MIER1: variants seen among roughly 807,000 people sequenced by gnomAD.
MIER1 encodes MIER1 transcriptional regulator.
A neutral mutation model predicts 75.7 loss-of-function variants in MIER1; 40 were observed. The ratio of observed to expected loss-of-function variants is 0.53; its 90% CI spans 0.41 to 0.69. The LOEUF (loss-of-function observed/expected upper bound fraction) is 0.69, where lower values mean the gene tolerates loss of function less well. Ranked by LOEUF, MIER1 falls within the 30% of genes least tolerant of loss-of-function variation. MIER1 has a pLI of 0.00. For synonymous variants in MIER1, 213 were observed against 223.4 expected (o/e 0.95, Z 0.42); for missense variants, 574 against 680.2 (o/e 0.84, Z 1.74).
intron 2 of MIER1, chr1:66,928,761 C>G (rs1652415795): frequency 1.8e-6 from 1 of 568,794 alleles, no homozygotes; most frequent in Non-Finnish European, 3.0e-6. Flanking sequence ...CTGAAAAACA[C>G]TTTTATATAA....
chr1:66,984,216 CTTAG>C lies in MIER1; in HGVS notation c.1370-351_1370-348del, dbSNP rs369111385. ...TTTACTGCATTTTCCATTAATTCAG[CTTAG>C]TTAGACTGCTGGATCCAGTGCTTGT... On this transcript the variant is annotated intron_variant, in intron 13 of 13. Transcript: ENST00000401041. Among the ~76,000 whole-genome samples, 272 of 152,312 alleles carry C rather than the reference CTTAG, an allele frequency of 1.8e-3. 1 individual carries two copies. The highest frequency in any genetic ancestry group is 6.3e-3 in the African/African-American group (260 of 41,558).
Position 66,926,199 on chromosome 1 carries a change from C to A in MIER1, c.125C>A (p.Thr42Asn). Reference protein sequence around the residue: ...CLAEFRTWLRTNWLRFNADKT... With the variant: ...CLAEFRTWLRNNWLRFNADKT... ...GCTGAGTTTCGGACGTGGTTAAGAA[C>A]CAACTGGTTGAGGTTCAATGCAGAC... Residue 42 changes from threonine to asparagine, a missense_variant, in exon 2 of 14, where the codon ACC becomes AAC. Transcript: ENST00000401041. The A allele has an allele frequency of 1.2e-6, 2 of 1,613,886 alleles. No individual in the cohort carries two copies. The highest frequency in any genetic ancestry group is 2.2e-5 in the South Asian group (2 of 91,082).
chr1:66,972,235 C>CAT (rs71058486), intron 10 of MIER1, among the ~76,000 whole-genome samples: 8,377 of 63,428 alleles, frequency 0.13, 331 homozygotes, highest in Non-Finnish European at 0.16. Flanking sequence ...ATATACACTA[C>CAT]ATATATATAT....
intron 12 of MIER1, among the ~76,000 whole-genome samples, chr1:66,979,852 C>G (rs992701888): frequency 2.6e-5 from 4 of 152,140 alleles, no homozygotes; most frequent in Non-Finnish European, 4.4e-5. Context: ...GCAACCTCCA[C>G]CGCCCGGGTT....
intron 4 of MIER1, chr1:66,946,574 A>C: frequency 9.2e-7 from 1 of 1,087,114 alleles, no homozygotes; most frequent in Non-Finnish European, 1.1e-6. Context: ...ATGGACTATA[A>C]AAGGATTCTA....
intron 2 of MIER1, among the ~76,000 whole-genome samples, chr1:66,937,608 T>C (rs1655224118): frequency 6.6e-6 from 1 of 151,668 alleles, no homozygotes; most frequent in Non-Finnish European, 1.5e-5. Flanking sequence ...GAAAAGAAAA[T>C]GTGTAGCACT....
intron 2 of MIER1, among the ~76,000 whole-genome samples, chr1:66,934,095 A>T (rs1363616081): frequency 6.6e-6 from 1 of 152,188 alleles, no homozygotes; most frequent in Non-Finnish European, 1.5e-5. Flanking sequence ...ATGAAGTAGC[A>T]CCCCAAAAAA....
At chr1:66,935,852 C>G (rs1004409827) in intron 2 of MIER1, among the ~76,000 whole-genome samples, 1 of 151,976 alleles carries the variant, frequency 6.6e-6, no homozygotes, top group Non-Finnish European at 1.5e-5. Flanking sequence ...ACAGATATCT[C>G]TATTTTTAAT....
chr1:66,925,165 C>T (rs1569951890), intron 1 of MIER1, 70 bp downstream of exon 1: 18 of 1,505,900 alleles, frequency 1.2e-5, no homozygotes, highest in East Asian at 7.7e-5. Context: ...CCTGAGGTGT[C>T]CTCAGTCCCC....
intron 2 of MIER1, chr1:66,930,287 C>A: frequency 1.3e-6 from 2 of 1,548,906 alleles, no homozygotes; most frequent in Non-Finnish European, 1.7e-6. Context: ...GCGGGAGCGG[C>A]AGAGACGGCA....
intron 2 of MIER1, among the ~76,000 whole-genome samples, chr1:66,928,386 G>A (rs1231992709): frequency 6.6e-6 from 1 of 152,160 alleles, no homozygotes; most frequent in African/African-American, 2.4e-5. Context: ...CAAAGATTCA[G>A]TGTACTTAAG....
intron 7 of MIER1, 54 bp from the exon 8 acceptor site, chr1:66,963,034 G>C: frequency 1.6e-6 from 2 of 1,219,374 alleles, no homozygotes; most frequent in Non-Finnish European, 2.4e-6. Context: ...CTAGAAAATG[G>C]ATATAAAATC....
chr1:66,942,476 C>T (rs1485339386), intron 3 of MIER1, among the ~76,000 whole-genome samples: 6 of 152,122 alleles, frequency 3.9e-5, no homozygotes, highest in Non-Finnish European at 8.8e-5. Flanking sequence ...TGTAAGGTAC[C>T]TTTTCTGCAG....
chr1:66,980,049 C>T (rs2102036130), intron 12 of MIER1, among the ~76,000 whole-genome samples: 1 of 152,348 alleles, frequency 6.6e-6, no homozygotes, highest in South Asian at 2.1e-4. Flanking sequence ...CAGGCGTGAG[C>T]CACCACACCC....
intron 1 of MIER1, 81 bp from the exon 2 acceptor site, chr1:66,926,061 A>G: frequency 8.8e-7 from 1 of 1,130,604 alleles, no homozygotes; most frequent in Non-Finnish European, 1.3e-6. Flanking sequence ...ATCTTTTTAA[A>G]AATGCGAAAC....
intron 10 of MIER1, among the ~76,000 whole-genome samples, chr1:66,972,233 T>TAC (rs749975888): frequency 1.9e-5 from 1 of 51,416 alleles, no homozygotes; most frequent in Non-Finnish European, 4.4e-5. Flanking sequence ...ATATATACAC[T>TAC]ACATATATAT....
At chr1:66,959,334 C>A (rs1660776838) in intron 6 of MIER1, among the ~76,000 whole-genome samples, 1 of 151,956 alleles carries the variant, frequency 6.6e-6, no homozygotes, top group Admixed American at 6.6e-5. Context: ...TTCATAAATA[C>A]ACCTAAATTT....
At chr1:66,979,562 A>T (rs916957572) in intron 12 of MIER1, among the ~76,000 whole-genome samples, 2 of 152,190 alleles carry the variant, frequency 1.3e-5, no homozygotes, top group African/African-American at 4.8e-5. Flanking sequence ...ACTAAACATT[A>T]ACTCAGCATA....
rs772556154 is a variant in MIER1, at chr1:66,984,630, G to A, written c.1428G>A (p.Gly476=). 6.2e-7 allele frequency: 1 copy of A among 1,613,428 alleles called. No homozygotes were observed. The highest frequency in any genetic ancestry group is 8.5e-7 in the Non-Finnish European group (1 of 1,179,732). ...ILNKEEVKVE[G]LHINGPTGGN... ...ACAAAGAGGAAGTAAAAGTTGAAGG[G>A]TTACACATTAATGGACCAACAGGTG... Residue 476 remains glycine, a synonymous_variant, in exon 14 of 14, where the codon GGG becomes GGA. Transcript: ENST00000401041.
Sources: allele counts gnomAD v4.1 joint callset (sites outside exome capture counted in the v4.1 genomes callset), GRCh38; gene constraint gnomAD v4.1.1; transcripts MANE v1.5; gene names NCBI Gene and HGNC (gene_info 2026-07-23, HGNC 2026-07-21).